Variants in ADAMTSL1 observed in about 807,000 individuals in gnomAD.
ADAMTSL1 encodes ADAMTS like 1.
Under a neutral mutation model 201.8 loss-of-function variants are expected in ADAMTSL1, and 126 were observed. The observed-to-expected ratio is 0.62, with a 90% CI of 0.54 to 0.72. The LOEUF (loss-of-function observed/expected upper bound fraction) is 0.72. ADAMTSL1 is among the 30% of genes least tolerant of loss of function. The pLI, the probability that ADAMTSL1 is intolerant of heterozygous loss-of-function variation, is 0.00. For missense variants in ADAMTSL1, 2,679 were observed against 2,277.8 expected (o/e 1.18, Z -3.59); for synonymous variants, 1,121 against 903.4 (o/e 1.24, Z -4.32).
intron 25 of ADAMTSL1, among the ~76,000 whole-genome samples, chr9:18,891,645 T>C (rs1010424933): frequency 6.6e-6 from 1 of 152,242 alleles, no homozygotes; most frequent in Non-Finnish European, 1.5e-5. Flanking sequence ...ATAAGACCTA[T>C]GGACTGTCAC....
At chr9:18,679,169 A>G (rs940510764) in intron 10 of ADAMTSL1, among the ~76,000 whole-genome samples, 1 of 151,966 alleles carries the variant, frequency 6.6e-6, no homozygotes, top group Non-Finnish European at 1.5e-5. Context: ...TACACAAAAA[A>G]CCCGCCTACA....
intron 10 of ADAMTSL1, 75 bp downstream of exon 10, chr9:18,675,982 T>A: frequency 1.6e-6 from 2 of 1,281,068 alleles, no homozygotes; most frequent in Non-Finnish European, 2.3e-6. Context: ...TATAGAGATA[T>A]ACATATACAT....
At chr9:18,321,618 C>T (rs572630442) in intron 2 of ADAMTSL1, among the ~76,000 whole-genome samples, 241 of 151,916 alleles carry the variant, frequency 1.6e-3, no homozygotes, top group African/African-American at 5.6e-3. Context: ...ACAGTGAAAC[C>T]ACATCTCTAC....
chr9:18,859,071 T>A (rs1287233623), intron 23 of ADAMTSL1, among the ~76,000 whole-genome samples: 2 of 152,340 alleles, frequency 1.3e-5, no homozygotes, highest in East Asian at 3.9e-4. Flanking sequence ...TGAAAAAGTT[T>A]GTGAAATCTG....
chr9:18,104,399 G>C (rs918897127), intron 1 of ADAMTSL1, among the ~76,000 whole-genome samples: 1 of 152,144 alleles, frequency 6.6e-6, no homozygotes, highest in African/African-American at 2.4e-5. Flanking sequence ...TGATTATACA[G>C]TGCTTAGTAC....
intron 1 of ADAMTSL1, among the ~76,000 whole-genome samples, chr9:18,029,897 A>G (rs1820869973): frequency 6.6e-6 from 1 of 151,954 alleles, no homozygotes; most frequent in Non-Finnish European, 1.5e-5. Context: ...TCAGGAAACA[A>G]CAGGTGCTGG....
At chr9:18,771,097 T>G (rs1820665609) in intron 17 of ADAMTSL1, among the ~76,000 whole-genome samples, 1 of 152,104 alleles carries the variant, frequency 6.6e-6, no homozygotes, top group Admixed American at 6.6e-5. Flanking sequence ...CTTCTCCTTC[T>G]ATCTCCACAC....
At chr9:18,297,851 T>C (rs1833533974) in intron 2 of ADAMTSL1, among the ~76,000 whole-genome samples, 1 of 152,220 alleles carries the variant, frequency 6.6e-6, no homozygotes, top group East Asian at 1.9e-4. Context: ...ATTTCAGAAA[T>C]GAGAACCCTT....
intron 2 of ADAMTSL1, among the ~76,000 whole-genome samples, chr9:18,263,051 C>T (rs1378938202): frequency 6.6e-6 from 1 of 152,164 alleles, no homozygotes; most frequent in African/African-American, 2.4e-5. Flanking sequence ...TTGCTGACAT[C>T]AGTAAAGTGA....
At chr9:18,508,636 C>T (rs1817824996) in intron 2 of ADAMTSL1, among the ~76,000 whole-genome samples, 1 of 152,116 alleles carries the variant, frequency 6.6e-6, no homozygotes, top group Non-Finnish European at 1.5e-5. Context: ...TTTCAGCTAT[C>T]AAAGTTCATG....
chr9:18,414,103 T>C (rs1478731402), intron 2 of ADAMTSL1, among the ~76,000 whole-genome samples: 1 of 152,222 alleles, frequency 6.6e-6, no homozygotes, highest in Non-Finnish European at 1.5e-5. Flanking sequence ...TCTCTACAGT[T>C]GACTATTCAA....
chr9:18,291,346 G>A (rs1184062721), intron 2 of ADAMTSL1, among the ~76,000 whole-genome samples: 1 of 152,014 alleles, frequency 6.6e-6, no homozygotes, highest in African/African-American at 2.4e-5. Flanking sequence ...GGTTCCTCAG[G>A]GAACAAAAGC....
intron 17 of ADAMTSL1, among the ~76,000 whole-genome samples, chr9:18,775,004 ATGAG>A (rs1201345447): frequency 6.6e-6 from 1 of 152,142 alleles, no homozygotes; most frequent in Non-Finnish European, 1.5e-5. Flanking sequence ...CCCACCAGTA[ATGAG>A]TGAAACTGCT....
intron 19 of ADAMTSL1, among the ~76,000 whole-genome samples, chr9:18,794,623 GTTGTTTTTTT>G (rs1263783741): frequency 7.8e-6 from 1 of 127,952 alleles, no homozygotes; most frequent in African/African-American, 3.1e-5. Flanking sequence ...GTTGTTTTTT[GTTGTTTTTTT>G]TTGTTGTTGT....
chr9:18,022,322 C>A (rs1326098365), intron 1 of ADAMTSL1, among the ~76,000 whole-genome samples: 1 of 152,158 alleles, frequency 6.6e-6, no homozygotes, highest in African/African-American at 2.4e-5. Context: ...CTGGCCCCAG[C>A]AGGAGGCAAG....
intron 1 of ADAMTSL1, among the ~76,000 whole-genome samples, chr9:18,069,024 T>G (rs1386706471): frequency 1.3e-5 from 2 of 152,160 alleles, no homozygotes; most frequent in Non-Finnish European, 2.9e-5. Context: ...GAACAGCATG[T>G]GTAAAGACAG....
intron 22 of ADAMTSL1, 26 bp from the exon 23 acceptor site, chr9:18,829,817 C>G (rs752459573): frequency 6.2e-7 from 1 of 1,613,546 alleles, no homozygotes; most frequent in South Asian, 1.1e-5. Context: ...TTTAACCTGC[C>G]TGATCCACCC....
At chr9:18,807,659 CA>C (rs58783987) in intron 20 of ADAMTSL1, among the ~76,000 whole-genome samples, 3 of 86,584 alleles carry the variant, frequency 3.5e-5, no homozygotes, top group African/African-American at 7.2e-5. Context: ...AAAAAAAAAA[CA>C]AAAAAAAAAC....
At chr9:17,967,434 G>T (rs970981562) in intron 1 of ADAMTSL1, among the ~76,000 whole-genome samples, 1 of 152,090 alleles carries the variant, frequency 6.6e-6, no homozygotes, top group African/African-American at 2.4e-5. Context: ...ATTCTGTAAA[G>T]ATGGGTAACT....
Sources: gnomAD v4.1 joint callset for allele counts (sites outside exome capture counted in the v4.1 genomes callset) on GRCh38, gnomAD v4.1.1 for gene constraint, MANE v1.5 for transcripts, NCBI Gene and HGNC (gene_info 2026-07-23, HGNC 2026-07-21) for gene names.